SUN5: variants seen among roughly 807,000 people sequenced by gnomAD.
SUN5 encodes SUN domain-containing protein 5.
A neutral mutation model predicts 53.7 loss-of-function variants in SUN5; 44 were observed. That is an observed-to-expected ratio of 0.82 (90% CI 0.64 to 1.05). SUN5 has a LOEUF of 1.05. SUN5 is among the 50% of genes least tolerant of loss of function. The pLI is 0.00. For synonymous variants in SUN5, 166 were observed against 179.8 expected (o/e 0.92, Z 0.62); for missense variants, 433 against 483.8 (o/e 0.90, Z 0.98).
chr20:32,987,867 G>A, intron 9 of SUN5, 92 bp from the exon 10 acceptor site: 1 of 986,854 alleles, frequency 1.0e-6, no homozygotes, highest in Non-Finnish European at 1.5e-6. Flanking sequence ...TGCCGGGCGA[G>A]CATTTTGGAT....
In SUN5 at chr20:33,002,608, G is replaced by A. The variant is rs1367777026; in HGVS notation, c.190C>T (p.Gln64Ter). 1 of 1,614,228 alleles carries A rather than the reference G, an allele frequency of 6.2e-7. No homozygotes were observed. The highest frequency in any genetic ancestry group is 2.2e-5 in the East Asian group (1 of 44,890). Residue 64 changes from glutamine to a stop codon, truncating the protein, a stop_gained, in exon 3 of 13, where the codon CAG (glutamine) becomes TAG (stop). Coordinates refer to ENST00000356173, the MANE Select transcript of SUN5 (RefSeq NM_080675.4). LOFTEE classifies it high-confidence loss of function. ...GTACACACACATCCCAGCATGCACT[G>A]AGTCAGGCCTAGGGCTTGGTCATTG... is the stretch of plus-strand genomic sequence containing the variant. ...RNNDQALGLT[Q>*]CMLGCVSWFT...
chr20:32,997,610 G>T, intron 6 of SUN5, 28 bp downstream of exon 6: 2 of 1,613,250 alleles, frequency 1.2e-6, no homozygotes, highest in East Asian at 2.2e-5. Context: ...CCTGTCAGCT[G>T]TGGGGCCTGA....
chr20:32,988,000 C>A (rs1002267561), intron 9 of SUN5, among the ~76,000 whole-genome samples: 1 of 152,108 alleles, frequency 6.6e-6, no homozygotes, highest in African/African-American at 2.4e-5. Flanking sequence ...GCTCAGTCCC[C>A]AGGCTGGATT....
In SUN5 at chr20:32,998,523, T is replaced by C. The variant is rs59057379; in HGVS notation, c.341-836A>G. Among the ~76,000 whole-genome samples the C allele has an allele frequency of 4.2e-3, 641 of 152,204 alleles. 2 individuals are homozygous for C. The highest frequency in any genetic ancestry group is 0.015 in the African/African-American group (610 of 41,530). On this transcript the variant is annotated intron_variant, in intron 5 of 12. Transcript: ENST00000356173. ...TTTAAAATTTATTTATTCTTCTTGATAAAACCCTCAACGAACTAGGAATAG... is the reference window on the plus strand; with the variant it reads ...TTTAAAATTTATTTATTCTTCTTGACAAAACCCTCAACGAACTAGGAATAG...
At chr20:33,002,256 T>A (rs1210767300) in intron 3 of SUN5, among the ~76,000 whole-genome samples, 1 of 152,108 alleles carries the variant, frequency 6.6e-6, no homozygotes, top group East Asian at 1.9e-4. Flanking sequence ...ACTGGGTGGA[T>A]GTACCTATGA....
At chr20:33,002,968 A>T in intron 1 of SUN5, 49 bp from the exon 2 acceptor site, 1 of 1,606,156 alleles carries the variant, frequency 6.2e-7, no homozygotes, top group Non-Finnish European at 8.5e-7. Flanking sequence ...TGAGGAACAT[A>T]GTGTCCTTGG....
At chr20:33,001,519 C>CTTTTTTTCTTTCTTTCTTTCT (rs68051515) in intron 3 of SUN5, among the ~76,000 whole-genome samples, 1 of 121,324 alleles carries the variant, frequency 8.2e-6, no homozygotes, top group Non-Finnish European at 1.7e-5. Context: ...TTCTTTCTTT[C>CTTTTTTTCTTTCTTTCTTTCT]TTCTTTCTTT....
chr20:32,989,750 G>T, intron 8 of SUN5, 52 bp from the exon 9 acceptor site: 1 of 1,505,596 alleles, frequency 6.6e-7, no homozygotes, highest in Non-Finnish European at 9.2e-7. Flanking sequence ...CACGGACTGT[G>T]ATCCCCACGT....
chr20:32,985,989 C>A, intron 10 of SUN5, 86 bp from the exon 11 acceptor site: 1 of 1,446,524 alleles, frequency 6.9e-7, no homozygotes, highest in Non-Finnish European at 9.4e-7. Context: ...CTGGGACCTC[C>A]TGGGTGAGCC....
chr20:32,992,734 A>C (rs1025224945), intron 8 of SUN5, among the ~76,000 whole-genome samples: 1 of 152,236 alleles, frequency 6.6e-6, no homozygotes, highest in African/African-American at 2.4e-5. Context: ...GAACTCCGAC[A>C]TATCAATAAG....
chr20:33,001,384 A>G, intron 3 of SUN5, 106 bp from the exon 4 acceptor site: 1 of 1,292,584 alleles, frequency 7.7e-7, no homozygotes, highest in Middle Eastern at 2.2e-4. Context: ...GAGCTGGGAG[A>G]CCCTCTCGAC....
intron 7 of SUN5, among the ~76,000 whole-genome samples, 153 bp from the exon 8 acceptor site, chr20:32,995,880 A>G (rs916342480): frequency 6.6e-6 from 1 of 152,114 alleles, no homozygotes; most frequent in Non-Finnish European, 1.5e-5. Flanking sequence ...TCAGGTTATT[A>G]TCTCTAAAAC....
At chr20:32,997,314 C>T (rs1989878856) in intron 6 of SUN5, among the ~76,000 whole-genome samples, 1 of 152,138 alleles carries the variant, frequency 6.6e-6, no homozygotes, top group Non-Finnish European at 1.5e-5. Flanking sequence ...GGACAAGCTG[C>T]CTTAAGTACA....
At chr20:32,997,784 C>G in intron 5 of SUN5, 97 bp from the exon 6 acceptor site, 1 of 1,337,138 alleles carries the variant, frequency 7.5e-7, no homozygotes, top group Non-Finnish European at 1.1e-6. Context: ...CCCAGCTATG[C>G]CACTTGCCAG....
intron 10 of SUN5, 85 bp from the exon 11 acceptor site, chr20:32,985,988 C>T: frequency 2.1e-6 from 3 of 1,444,784 alleles, no homozygotes; most frequent in Non-Finnish European, 1.9e-6. Context: ...CCTGGGACCT[C>T]CTGGGTGAGC....
intron 8 of SUN5, among the ~76,000 whole-genome samples, chr20:32,993,718 A>G (rs1304033990): frequency 1.3e-5 from 2 of 152,222 alleles, no homozygotes; most frequent in Non-Finnish European, 2.9e-5. Flanking sequence ...TCTCTGGTAT[A>G]TGTCAGAACC....
intron 8 of SUN5, among the ~76,000 whole-genome samples, chr20:32,992,825 CA>C (rs1469013158): frequency 2.6e-4 from 40 of 152,148 alleles, no homozygotes; most frequent in Admixed American, 2.6e-3. Flanking sequence ...ACATTATTAA[CA>C]ACCAGAAATG....
chr20:33,001,068 G>T (rs1178542905), intron 4 of SUN5, 144 bp downstream of exon 4: 1 of 846,676 alleles, frequency 1.2e-6, no homozygotes, highest in Non-Finnish European at 1.9e-6. Context: ...GTTCTGGGGT[G>T]GGAGTGTTTG....
chr20:32,985,589 G>C (rs921490866), intron 11 of SUN5, 147 bp downstream of exon 11: 2 of 975,972 alleles, frequency 2.0e-6, no homozygotes, highest in Non-Finnish European at 3.0e-6. Flanking sequence ...GGACCCCAGC[G>C]CTGGCCACTT....
Sources: gnomAD v4.1 joint callset for allele counts (sites outside exome capture counted in the v4.1 genomes callset) on GRCh38, gnomAD v4.1.1 for gene constraint, MANE v1.5 for transcripts, NCBI Gene and HGNC (gene_info 2026-07-23, HGNC 2026-07-21) for gene names.